SLC6A2: variants seen among roughly 807,000 people sequenced by gnomAD.
SLC6A2 encodes solute carrier family 6 member 2.
Under a neutral mutation model 71.7 loss-of-function variants are expected in SLC6A2, and 26 were observed. The ratio of observed to expected loss-of-function variants is 0.36; its 90% CI spans 0.27 to 0.50. The LOEUF is 0.50. Ranked by LOEUF, SLC6A2 falls within the 20% of genes least tolerant of loss-of-function variation. SLC6A2 has a pLI of 0.96. For synonymous variants in SLC6A2, 363 were observed against 337.9 expected (o/e 1.07, Z -0.82); for missense variants, 581 against 803.9 (o/e 0.72, Z 3.35).
rs1401120387 is a variant in SLC6A2, at chr16:55,656,729, C to T, written c.35C>T (p.Pro12Leu). Residue 12 changes from proline to leucine, a missense_variant, in exon 2 of 15, where the codon CCC becomes CTC. Physicochemically the swap from Pro to Leu is moderately conservative, Grantham distance 98. Coordinates refer to ENST00000568943, the MANE Select transcript of SLC6A2 (RefSeq NM_001172501.3). The surrounding 1 kb of genome is among the most constrained non-coding windows in gnomAD (Gnocchi z 4.5). ...LLARMNPQVQPENNGADTGPE... is the reference protein window; with the variant it reads ...LLARMNPQVQLENNGADTGPE... ...GCGCGGATGAACCCGCAGGTGCAGCCCGAGAACAACGGGGCGGACACGGGT... is the reference window on the plus strand; with the variant it reads ...GCGCGGATGAACCCGCAGGTGCAGCTCGAGAACAACGGGGCGGACACGGGT... 4 of 1,612,756 alleles carry T rather than the reference C, an allele frequency of 2.5e-6. No homozygotes were observed. The Admixed American group carries it at 5.0e-5, about 20-fold the overall frequency.
In SLC6A2 at chr16:55,701,946, C is replaced by G. The variant is rs889755359; in HGVS notation, c.1830+12C>G. Reference sequence around the variant, plus strand: ...TCAGACAGTTCCAGGTGGGTGAAGCCTAGACCCCTGGGGTGGAGATTACAA... The same window carrying G: ...TCAGACAGTTCCAGGTGGGTGAAGCGTAGACCCCTGGGGTGGAGATTACAA... On this transcript the variant is annotated intron_variant, in intron 14 of 14. Transcript: ENST00000568943. The G allele has an allele frequency of 6.2e-7, 1 of 1,605,672 alleles. No individual in the cohort carries two copies. The highest frequency in any genetic ancestry group is 1.3e-5 in the African/African-American group (1 of 74,888).
In SLC6A2 at chr16:55,685,393, G is replaced by A. The variant is rs1965420170; in HGVS notation, c.783+112G>A. On this transcript the variant is annotated intron_variant, in intron 5 of 14. Coordinates refer to ENST00000568943, the MANE Select transcript of SLC6A2 (RefSeq NM_001172501.3). ...GGACAAAAAAGATGGAGCTGGAAGT[G>A]CAAGGCCTGGGTTCAAGCCCCTGTT... 4 of 1,172,410 alleles carry A rather than the reference G, an allele frequency of 3.4e-6. No homozygotes were observed. In the East Asian group the frequency reaches 7.0e-5, roughly 21 times the overall value. The allele number at this position is 1,172,410 out of a possible 1,614,324, so 72.6% of individuals were successfully genotyped here. A position where few individuals can be genotyped will look rare whatever the true frequency, so the allele number is the denominator to read the frequency against.
At chr16:55,672,276 T>A (rs1167168695) in intron 4 of SLC6A2, 101 bp downstream of exon 4, 7 of 1,600,094 alleles carry the variant, frequency 4.4e-6, no homozygotes, top group African/African-American at 4.0e-5. Flanking sequence ...ACGCATGCCG[T>A]CAGGATATTA....
intron 2 of SLC6A2, among the ~76,000 whole-genome samples, chr16:55,668,554 G>A (rs888889701): frequency 2.0e-5 from 3 of 152,212 alleles, no homozygotes; most frequent in Non-Finnish European, 4.4e-5. Context: ...CCAGCTGTGC[G>A]TGGAAAGGAG....
intron 2 of SLC6A2, among the ~76,000 whole-genome samples, chr16:55,660,764 A>T (rs1387462081): frequency 6.6e-6 from 1 of 152,182 alleles, no homozygotes; most frequent in Non-Finnish European, 1.5e-5. Context: ...GGTTACACTG[A>T]AGCCAGGACT....
Position 55,697,996 on chromosome 16 carries a change from T to C in SLC6A2, c.1360T>C (p.Phe454Leu), listed in dbSNP as rs752912569. ...CACATTTGGCGTCACCTTCAGCACTTTCCTTCTCGCCCTGTTCTGCATAAC... is the reference window on the plus strand; with the variant it reads ...CACATTTGGCGTCACCTTCAGCACTCTCCTTCTCGCCCTGTTCTGCATAAC... The part of the protein sequence containing the change: ...LFTFGVTFST[F>L]LLALFCITKG... The change falls in exon 10 of 15, where the codon TTC becomes CTC. Residue 454 changes from phenylalanine (F) to leucine (L), a missense_variant. Phe to Leu is a conservative substitution (Grantham distance 22, BLOSUM62 0). This residue lies in a region of SLC6A2 where 334 missense variants were observed against 449.0 expected (regional missense o/e 0.74). Transcript: ENST00000568943. The C allele has an allele frequency of 1.5e-5, 24 of 1,614,050 alleles. No homozygotes were observed. Among genetic ancestry groups the C allele is most frequent in the Non-Finnish European group, 1.9e-5 (23 of 1,180,032 alleles).
intron 4 of SLC6A2, among the ~76,000 whole-genome samples, chr16:55,675,253 C>T (rs1965048480): frequency 6.6e-6 from 1 of 152,160 alleles, no homozygotes; most frequent in South Asian, 2.1e-4. Context: ...TCCATTTTAT[C>T]AATCCCTACA....
At chr16:55,684,951 C>T (rs1034543744) in intron 4 of SLC6A2, among the ~76,000 whole-genome samples, 192 bp from the exon 5 acceptor site, 7 of 152,322 alleles carry the variant, frequency 4.6e-5, no homozygotes, top group East Asian at 3.9e-4. Flanking sequence ...CAGAGTGGTC[C>T]TGGGCACAGG....
intron 4 of SLC6A2, among the ~76,000 whole-genome samples, chr16:55,679,645 C>T (rs1965205781): frequency 6.6e-6 from 1 of 152,178 alleles, no homozygotes. Flanking sequence ...TTAGGACTAA[C>T]AGGATGAGAA....
intron 4 of SLC6A2, among the ~76,000 whole-genome samples, chr16:55,682,994 G>T (rs1178776655): frequency 5.9e-5 from 9 of 152,234 alleles, no homozygotes; most frequent in African/African-American, 1.9e-4. Flanking sequence ...CCGAGGCCCA[G>T]ATGGGCTGGC....
chr16:55,676,237 A>G (rs1448514056), intron 4 of SLC6A2, among the ~76,000 whole-genome samples: 1 of 152,236 alleles, frequency 6.6e-6, no homozygotes, highest in Admixed American at 6.5e-5. Flanking sequence ...GTCACTGAAC[A>G]TCAGCATCTG....
At chr16:55,666,737 A>C (rs1964760408) in intron 2 of SLC6A2, among the ~76,000 whole-genome samples, 1 of 152,130 alleles carries the variant, frequency 6.6e-6, no homozygotes, top group Non-Finnish European at 1.5e-5. Flanking sequence ...CAGTTTACCT[A>C]TGTGTTGGCA....
At position 55,698,462 on chromosome 16, in the gene SLC6A2, G is replaced by T. The variant is rs1965867676; in HGVS notation, c.1390-7G>T. ...GGGCCTCTTGGCTTCTTCTCTCCCT[G>T]TGCCAGGGTGGAATTTACGTCTTGA... On this transcript the variant is annotated splice_region_variant and splice_polypyrimidine_tract_variant and intron_variant, in intron 10 of 14. Coordinates refer to ENST00000568943, the MANE Select transcript of SLC6A2 (RefSeq NM_001172501.3). 3.1e-6 allele frequency: 5 copies of T among 1,609,374 alleles called. No individual in the cohort carries two copies. The highest frequency in any genetic ancestry group is 2.6e-6 in the Non-Finnish European group (3 of 1,175,682).
At chr16:55,672,254 C>T in intron 4 of SLC6A2, 79 bp downstream of exon 4, 1 of 1,612,578 alleles carries the variant, frequency 6.2e-7, no homozygotes. Context: ...AGGAAAGTCA[C>T]AGACCAAGGA....
intron 8 of SLC6A2, 39 bp from the exon 9 acceptor site, chr16:55,696,186 G>A: frequency 2.4e-6 from 3 of 1,252,094 alleles, no homozygotes; most frequent in Non-Finnish European, 3.5e-6. Context: ...TCAGACCAAT[G>A]GTTTCAGCCA....
intron 4 of SLC6A2, among the ~76,000 whole-genome samples, chr16:55,682,122 G>A (rs776010719): frequency 1.3e-5 from 2 of 152,148 alleles, no homozygotes; most frequent in Non-Finnish European, 2.9e-5. Flanking sequence ...GACCAGGCCG[G>A]TCTCGAACTC....
At chr16:55,668,384 G>A (rs1246431260) in intron 2 of SLC6A2, among the ~76,000 whole-genome samples, 2 of 152,218 alleles carry the variant, frequency 1.3e-5, no homozygotes, top group African/African-American at 4.8e-5. Flanking sequence ...GAGCAAGTGT[G>A]AGCTGCTGGT....
Position 55,694,113 on chromosome 16 carries a change from G to C in SLC6A2, c.1022G>C (p.Arg341Thr), listed in dbSNP as rs1344485924. The change falls in exon 7 of 15, where the codon AGG (arginine) becomes ACG (threonine). Residue 341 changes from arginine to threonine, a missense_variant and splice_region_variant. Transcript: ENST00000568943. ...AACAAATTTGACAACAACTGTTACAGGTAAGATTCTTCTCAGAATTCTGAG... is the reference window on the plus strand; with the variant it reads ...AACAAATTTGACAACAACTGTTACACGTAAGATTCTTCTCAGAATTCTGAG... ...SYNKFDNNCY[R>T]DALLTSSINC... is the part of the protein sequence containing the mutation. The C allele has an allele frequency of 2.6e-6, 4 of 1,560,280 alleles. No individual in the cohort carries two copies. Among genetic ancestry groups the C allele is most frequent in the Non-Finnish European group, 3.5e-6 (4 of 1,130,944 alleles).
intron 14 of SLC6A2, 68 bp from the exon 15 acceptor site, chr16:55,702,255 C>A: frequency 1.3e-6 from 2 of 1,505,130 alleles, no homozygotes; most frequent in South Asian, 2.2e-5. Context: ...CCTGCTGCCC[C>A]CGCCAGCTGG....
Sources: allele counts gnomAD v4.1 joint callset (sites outside exome capture counted in the v4.1 genomes callset), GRCh38; gene constraint gnomAD v4.1.1; regional missense constraint gnomAD v4.1.1; non-coding constraint Gnocchi (gnomAD v3.1); transcripts MANE v1.5; gene names NCBI Gene and HGNC (gene_info 2026-07-23, HGNC 2026-07-21).